The following ARMH3 variants were observed in gnomAD, a reference collection of about 807,000 sequenced individuals.
ARMH3 encodes armadillo like helical domain containing 3, also known as armadillo-like helical domain-containing protein 3.
In ARMH3, 60 loss-of-function variants were observed where a neutral mutation model predicts 99.1. The observed-to-expected ratio is 0.61, with a 90% CI of 0.49 to 0.75. The LOEUF is 0.75. Among genes scored for constraint, ARMH3 ranks in the 30% least tolerant of loss-of-function variants. The pLI, the probability that ARMH3 is intolerant of heterozygous loss-of-function variation, is 0.00. For missense variants in ARMH3, 679 were observed against 843.1 expected (o/e 0.81, Z 2.41); for synonymous variants, 285 against 292.8 (o/e 0.97, Z 0.27).
intron 23 of ARMH3, among the ~76,000 whole-genome samples, chr10:101,906,715 G>T (rs900140671): frequency 6.6e-6 from 1 of 152,140 alleles, no homozygotes; most frequent in Admixed American, 6.5e-5. Context: ...TAGGGGTAGG[G>T]CAATAAGGCA....
At chr10:101,862,434 G>T (rs1204078220) in intron 24 of ARMH3, among the ~76,000 whole-genome samples, 2 of 152,016 alleles carry the variant, frequency 1.3e-5, no homozygotes, top group African/African-American at 4.8e-5. Flanking sequence ...AAAATTAGCT[G>T]GCCGTAGTGG....
At position 102,033,431 on chromosome 10, in the gene ARMH3, T is replaced by A. The variant is rs1018568038; in HGVS notation, c.103-92A>T. The A allele has an allele frequency of 3.6e-6, 5 of 1,395,532 alleles. No homozygotes were observed. In the African/African-American group the frequency reaches 7.3e-5, roughly 20 times the overall value. 86.4% of individuals were successfully genotyped at this position (1,395,532 alleles called of 1,614,324 possible). A position where few individuals can be genotyped will look rare whatever the true frequency, so the allele number is the denominator to read the frequency against. ...ATAGTCAACCTTAGTTTTCTTTTTT[T>A]TTTTTTGAGATGGAATCTCGCTGTC... On this transcript the variant is annotated intron_variant, in intron 2 of 25. Transcript: ENST00000370033.
At chr10:102,041,753 A>G (rs1288379706) in intron 1 of ARMH3, among the ~76,000 whole-genome samples, 1 of 151,688 alleles carries the variant, frequency 6.6e-6, no homozygotes, top group African/African-American at 2.4e-5. Context: ...GGTTCAAGTG[A>G]TTCTCCTGCC....
chr10:101,951,070 T>C (rs1201376124), intron 22 of ARMH3, among the ~76,000 whole-genome samples: 2 of 152,204 alleles, frequency 1.3e-5, no homozygotes, highest in East Asian at 1.9e-4. Context: ...CCAAATGCCA[T>C]GAAATACATT....
At chr10:102,021,138 G>A (rs529601313) in intron 8 of ARMH3, among the ~76,000 whole-genome samples, 11 of 152,248 alleles carry the variant, frequency 7.2e-5, no homozygotes, top group East Asian at 5.8e-4. Flanking sequence ...GTGCAGGGGC[G>A]TGACATCAGC....
rs188752137 is a variant in ARMH3 at position 102,040,115 on chromosome 10, G to A, written c.-1C>T. 3.1e-6 allele frequency: 5 copies of A among 1,613,058 alleles called. No homozygotes were observed. In the South Asian group the frequency reaches 3.3e-5, roughly 11 times the overall value. ...CTCCACGTTTCTCTACCTGTGCCAT[G>A]GTTAGAGAATCTGTGAACAGAAAGT... On this transcript the variant is annotated 5_prime_UTR_variant, in exon 2 of 26. Transcript: ENST00000370033.
At chr10:102,009,901 C>T (rs1051748207) in intron 12 of ARMH3, 76 bp downstream of exon 12, 1 of 1,348,608 alleles carries the variant, frequency 7.4e-7, no homozygotes, top group Admixed American at 1.9e-5. Flanking sequence ...CAAGAGGTAA[C>T]ACTGCACACT....
At chr10:101,944,458 A>C (rs910938394) in intron 22 of ARMH3, among the ~76,000 whole-genome samples, 1 of 151,760 alleles carries the variant, frequency 6.6e-6, no homozygotes, top group Admixed American at 6.6e-5. Context: ...AAAATAAAGA[A>C]AACCACGCCA....
At chr10:101,990,423 G>T (rs539149919) in intron 19 of ARMH3, 128 bp downstream of exon 19, 2 of 607,948 alleles carry the variant, frequency 3.3e-6, no homozygotes, top group East Asian at 5.8e-5. Flanking sequence ...CGCCCGCCTC[G>T]GCCTCCCAAG....
At chr10:101,991,401 T>G (rs528730070) in intron 18 of ARMH3, among the ~76,000 whole-genome samples, 26 of 152,264 alleles carry the variant, frequency 1.7e-4, no homozygotes, top group African/African-American at 6.3e-4. Context: ...AATCTTTTTT[T>G]TTTTTGAGAT....
intron 23 of ARMH3, among the ~76,000 whole-genome samples, chr10:101,925,668 G>A (rs900926005): frequency 6.6e-6 from 1 of 152,220 alleles, no homozygotes; most frequent in African/African-American, 2.4e-5. Context: ...CAGCACTTTG[G>A]AAGGTCAAGG....
intron 22 of ARMH3, among the ~76,000 whole-genome samples, chr10:101,953,920 A>G (rs1844911431): frequency 6.6e-6 from 1 of 152,186 alleles, no homozygotes; most frequent in South Asian, 2.1e-4. Flanking sequence ...TGCTGGGCAC[A>G]GTGGCTCACA....
chr10:101,957,092 T>C (rs1391300763), intron 21 of ARMH3, among the ~76,000 whole-genome samples: 1 of 152,248 alleles, frequency 6.6e-6, no homozygotes, highest in Admixed American at 6.5e-5. Context: ...GTCACATTGA[T>C]AGCTTGAAAT....
chr10:101,971,095 C>CAAAA (rs71472590), intron 20 of ARMH3, among the ~76,000 whole-genome samples: 2 of 33,268 alleles, frequency 6.0e-5, no homozygotes, highest in African/African-American at 1.3e-4. Flanking sequence ...AGACCGTCTC[C>CAAAA]AAAAAAAAAA....
At chr10:102,041,079 TATATATATATA>T (rs1405729193) in intron 1 of ARMH3, among the ~76,000 whole-genome samples, 2 of 133,314 alleles carry the variant, frequency 1.5e-5, no homozygotes, top group Non-Finnish European at 3.3e-5. Context: ...TGTGTACATA[TATATATATATA>T]ATATATATAT....
chr10:101,870,992 T>C (rs943824991), intron 24 of ARMH3, among the ~76,000 whole-genome samples: 1 of 151,762 alleles, frequency 6.6e-6, no homozygotes, highest in Non-Finnish European at 1.5e-5. Flanking sequence ...ATCTAATAAA[T>C]AAGTTTATCA....
intron 22 of ARMH3, among the ~76,000 whole-genome samples, chr10:101,947,555 C>CT (rs1844589703): frequency 6.6e-6 from 1 of 151,432 alleles, no homozygotes; most frequent in Non-Finnish European, 1.5e-5. Context: ...AATCCCAGCA[C>CT]TTTGGGAGGC....
At chr10:101,857,363 C>A (rs1564693492) in intron 24 of ARMH3, among the ~76,000 whole-genome samples, 1 of 152,120 alleles carries the variant, frequency 6.6e-6, no homozygotes, top group Non-Finnish European at 1.5e-5. Context: ...GAAGCTGAGG[C>A]AGGGGAATCG....
chr10:101,935,742 GTTC>G, intron 23 of ARMH3, among the ~76,000 whole-genome samples: 1 of 152,194 alleles, frequency 6.6e-6, no homozygotes, highest in Non-Finnish European at 1.5e-5. Flanking sequence ...CTAAGAGTTT[GTTC>G]ACTCTGCCTT....
Sources: gnomAD v4.1 joint callset for allele counts (sites outside exome capture counted in the v4.1 genomes callset) on GRCh38, gnomAD v4.1.1 for gene constraint, MANE v1.5 for transcripts, NCBI Gene and HGNC (gene_info 2026-07-23, HGNC 2026-07-21) for gene names.